HMGA2: variants seen among roughly 807,000 people sequenced by gnomAD.
The protein encoded by HMGA2 is high mobility group AT-hook 2, also known as high mobility group protein HMGI-C.
Under a neutral mutation model 19.1 loss-of-function variants are expected in HMGA2, and 8 were observed. The observed-to-expected ratio is 0.42, with a 90% CI of 0.25 to 0.76. The LOEUF is 0.76. Among genes scored for constraint, HMGA2 ranks in the 30% least tolerant of loss-of-function variants. HMGA2 has a pLI of 0.28. For missense variants in HMGA2, 109 were observed against 136.3 expected (o/e 0.80, Z 1.00); for synonymous variants, 60 against 48.8 (o/e 1.23, Z -0.96).
At chr12:65,943,641 C>G (rs1190348376) in intron 3 of HMGA2, among the ~76,000 whole-genome samples, 2 of 152,174 alleles carry the variant, frequency 1.3e-5, no homozygotes, top group African/African-American at 4.8e-5. Context: ...CCCTCTTCCA[C>G]AATACCAAGC....
chr12:65,926,442 G>A (rs777320271), intron 3 of HMGA2, among the ~76,000 whole-genome samples: 1 of 152,178 alleles, frequency 6.6e-6, no homozygotes, highest in Non-Finnish European at 1.5e-5. Flanking sequence ...GGTGGGGAGA[G>A]GGAGGCAGAG....
chr12:65,954,188 A>G (rs547330721), intron 4 of HMGA2: 2 of 152,362 alleles, frequency 1.3e-5, no homozygotes, highest in East Asian at 3.9e-4. Context: ...GCATAATTAT[A>G]TAAATTCCAG....
At chr12:65,947,011 A>C (rs903483635) in intron 3 of HMGA2, among the ~76,000 whole-genome samples, 1 of 152,166 alleles carries the variant, frequency 6.6e-6, no homozygotes, top group Non-Finnish European at 1.5e-5. Context: ...GAGCTAGTCC[A>C]TTCTAAGGGC....
chr12:65,889,743 G>A (rs1156816100), intron 3 of HMGA2, among the ~76,000 whole-genome samples: 1 of 152,194 alleles, frequency 6.6e-6, no homozygotes, highest in African/African-American at 2.4e-5. Flanking sequence ...CAGTGCGGTA[G>A]ACTCTGTTAT....
chr12:65,912,511 A>C (rs959755342), intron 3 of HMGA2, among the ~76,000 whole-genome samples: 6 of 152,114 alleles, frequency 3.9e-5, no homozygotes, highest in Admixed American at 1.3e-4. Context: ...CATTTCCTCC[A>C]ATCTGTAGAG....
At chr12:65,961,944 A>G (rs1462427732) in intron 4 of HMGA2, among the ~76,000 whole-genome samples, 1 of 152,222 alleles carries the variant, frequency 6.6e-6, no homozygotes, top group African/African-American at 2.4e-5. Context: ...GCTTTAAGGC[A>G]TGCTTTACTG....
intron 4 of HMGA2, among the ~76,000 whole-genome samples, chr12:65,960,018 T>A: frequency 6.6e-6 from 1 of 152,162 alleles, no homozygotes; most frequent in East Asian, 1.9e-4. Flanking sequence ...GCCTCCCAAG[T>A]AGCTGGGACT....
At chr12:65,960,132 G>A (rs189259596) in intron 4 of HMGA2, among the ~76,000 whole-genome samples, 9 of 152,218 alleles carry the variant, frequency 5.9e-5, no homozygotes, top group African/African-American at 1.7e-4. Flanking sequence ...CTCGTGATCC[G>A]CCTGCCTAGG....
At chr12:65,860,994 CAGAACTGG>C (rs1401550163) in intron 3 of HMGA2, among the ~76,000 whole-genome samples, 1 of 152,094 alleles carries the variant, frequency 6.6e-6, no homozygotes, top group Non-Finnish European at 1.5e-5. Flanking sequence ...CACTTTTCTG[CAGAACTGG>C]AAAAAGATGT....
At chr12:65,937,968 G>A (rs1875952478) in intron 3 of HMGA2, among the ~76,000 whole-genome samples, 1 of 152,144 alleles carries the variant, frequency 6.6e-6, no homozygotes, top group Non-Finnish European at 1.5e-5. Flanking sequence ...CACAGAAAGT[G>A]ACCCTCTCCA....
At chr12:65,854,696 G>A (rs551119272) in intron 3 of HMGA2, among the ~76,000 whole-genome samples, 3 of 152,210 alleles carry the variant, frequency 2.0e-5, no homozygotes, top group African/African-American at 7.2e-5. Context: ...AGCCCAACAT[G>A]CATTAGCTAT....
intron 3 of HMGA2, chr12:65,851,745 C>A: frequency 5.6e-6 from 2 of 357,580 alleles, no homozygotes; most frequent in South Asian, 2.1e-5. Flanking sequence ...ATAACATTCC[C>A]AAGTCTTTCT....
chr12:65,925,598 A>G (rs1366435130), intron 3 of HMGA2, among the ~76,000 whole-genome samples: 1 of 152,204 alleles, frequency 6.6e-6, no homozygotes, highest in Non-Finnish European at 1.5e-5. Context: ...CATAGTAGGC[A>G]TTTGGAAATT....
intron 3 of HMGA2, among the ~76,000 whole-genome samples, chr12:65,925,445 G>A (rs1394216873): frequency 1.3e-5 from 2 of 152,180 alleles, no homozygotes; most frequent in African/African-American, 4.8e-5. Context: ...CAGCTTAGGC[G>A]TTTAATTAGG....
chr12:65,924,402 C>T (rs541736966), intron 3 of HMGA2, among the ~76,000 whole-genome samples: 1 of 152,072 alleles, frequency 6.6e-6, no homozygotes, highest in South Asian at 2.1e-4. Flanking sequence ...TACAAATCAC[C>T]AATTGTCCTC....
At chr12:65,859,759 A>G (rs1274657831) in intron 3 of HMGA2, 2 of 179,730 alleles carry the variant, frequency 1.1e-5, no homozygotes, top group Admixed American at 1.1e-4. Flanking sequence ...GTCCTGATAC[A>G]CTCATTGGAA....
At chr12:65,839,381 C>T (rs1196042604) in intron 3 of HMGA2, among the ~76,000 whole-genome samples, 2 of 152,114 alleles carry the variant, frequency 1.3e-5, no homozygotes, top group Non-Finnish European at 2.9e-5. Context: ...AGGATGAGGG[C>T]ATCCTTTATA....
At chr12:65,826,776 C>T (rs572309450) in intron 1 of HMGA2, 3 of 134,798 alleles carry the variant, frequency 2.2e-5, no homozygotes, top group African/African-American at 3.4e-5. Context: ...AATTGCCCCC[C>T]CTCCAAAAAA....
chr12:65,946,168 TA>T (rs1876257016), intron 3 of HMGA2, among the ~76,000 whole-genome samples: 1 of 152,194 alleles, frequency 6.6e-6, no homozygotes, highest in Non-Finnish European at 1.5e-5. Flanking sequence ...AGTAAATAGC[TA>T]GAAGATCTGT....
Sources: gnomAD v4.1 joint callset for allele counts (sites outside exome capture counted in the v4.1 genomes callset) on GRCh38, gnomAD v4.1.1 for gene constraint, MANE v1.5 for transcripts, NCBI Gene and HGNC (gene_info 2026-07-23, HGNC 2026-07-21) for gene names.